The following STIM1 variants were observed in gnomAD, a reference collection of about 807,000 sequenced individuals.
The protein encoded by STIM1 is stromal interaction molecule 1.
A neutral mutation model predicts 74.7 loss-of-function variants in STIM1; 25 were observed. The observed-to-expected ratio is 0.33, with a 90% CI of 0.24 to 0.47. The LOEUF is 0.47. STIM1 is among the 20% of genes least tolerant of loss of function. STIM1 has a pLI of 1.00. For synonymous variants in STIM1, 328 were observed against 348.8 expected, an observed-to-expected ratio of 0.94 and a Z score of 0.66; for missense variants, 728 against 920.8, an observed-to-expected ratio of 0.79 and a Z score of 2.71.
At chr11:4,062,872 G>A (rs1469702753) in intron 5 of STIM1, among the ~76,000 whole-genome samples, 1 of 116,582 alleles carries the variant, frequency 8.6e-6, no homozygotes, top group Non-Finnish European at 2.0e-5. Context: ...GTGTCTGTCA[G>A]TTGATGAATG....
chr11:3,895,414 A>C (rs2092031885), intron 1 of STIM1, among the ~76,000 whole-genome samples: 1 of 152,176 alleles, frequency 6.6e-6, no homozygotes, highest in Non-Finnish European at 1.5e-5. Context: ...TAAAAGCCGG[A>C]TAGGTGGAAT....
Position 4,091,426 on chromosome 11 carries a change from G to C in STIM1, c.1779G>C (p.Gly593=), listed in dbSNP as rs1161943430. ...ATGGCAGCCACCGGCTGATCGAGGG[G>C]GTCCACCCAGGGTCTCTGGTGGAGA... ...TSNGSHRLIE[G]VHPGSLVEKL... The change falls in exon 13 of 13, where the codon GGG becomes GGC. Residue 593 remains glycine (G), a synonymous_variant. Transcript: ENST00000526596. The C allele has an allele frequency of 1.2e-6, 2 of 1,614,062 alleles. No individual in the cohort carries two copies. Among genetic ancestry groups the C allele is most frequent in the Non-Finnish European group, 1.7e-6 (2 of 1,180,046 alleles).
chr11:4,074,497 C>A lies in STIM1; in HGVS notation c.792-5C>A. ...CTCCTCCAGCTCCCTGCATTGCCCC[C>A]CCAGGCTGCACAAGGCCCAGGAGGA... On this transcript the variant is annotated splice_polypyrimidine_tract_variant and splice_region_variant and intron_variant, in intron 6 of 12. Coordinates refer to ENST00000526596, the MANE Select transcript of STIM1 (RefSeq NM_001382567.1). 6.2e-7 allele frequency: 1 copy of A among 1,613,372 alleles called. No homozygotes were observed. Among genetic ancestry groups the A allele is most frequent in the Non-Finnish European group, 8.5e-7 (1 of 1,179,948 alleles).
chr11:4,038,038 C>CT (rs538655034), intron 3 of STIM1, among the ~76,000 whole-genome samples: 1,957 of 141,108 alleles, frequency 0.014, 13 homozygotes, highest in Non-Finnish European at 0.017. Flanking sequence ...TCATCACAGT[C>CT]TTTTTTTTTT....
At chr11:4,051,313 A>G (rs1296474589) in intron 3 of STIM1, among the ~76,000 whole-genome samples, 1 of 151,926 alleles carries the variant, frequency 6.6e-6, no homozygotes, top group Non-Finnish European at 1.5e-5. Flanking sequence ...CAAAATATAA[A>G]TATAGAATCA....
chr11:4,025,920 T>C (rs1004360930), intron 3 of STIM1, among the ~76,000 whole-genome samples: 7 of 152,204 alleles, frequency 4.6e-5, no homozygotes, highest in Non-Finnish European at 8.8e-5. Context: ...AGTTCACAGC[T>C]GAGAAATGAT....
At chr11:3,994,007 G>T (rs956609597) in intron 2 of STIM1, among the ~76,000 whole-genome samples, 3 of 151,442 alleles carry the variant, frequency 2.0e-5, no homozygotes, top group Admixed American at 1.3e-4. Flanking sequence ...AGTACTATCT[G>T]GGGGGGTCAC....
intron 1 of STIM1, among the ~76,000 whole-genome samples, chr11:3,941,262 G>T (rs2093001363): frequency 6.6e-6 from 1 of 152,160 alleles, no homozygotes; most frequent in Admixed American, 6.5e-5. Flanking sequence ...ACAGTTCGAA[G>T]ACTTCTGCTG....
At chr11:4,070,309 C>A in intron 6 of STIM1, 106 bp downstream of exon 6, 1 of 1,297,764 alleles carries the variant, frequency 7.7e-7, no homozygotes, top group Non-Finnish European at 1.1e-6. Context: ...GTCAGCATGG[C>A]AGCCCAGGCT....
At chr11:3,878,095 C>G (rs887956559) in intron 1 of STIM1, among the ~76,000 whole-genome samples, 1 of 152,150 alleles carries the variant, frequency 6.6e-6, no homozygotes, top group Admixed American at 6.5e-5. Flanking sequence ...CTGGTGCTCT[C>G]TAGGAGTGGA....
intron 1 of STIM1, among the ~76,000 whole-genome samples, chr11:3,959,718 G>C (rs2093264082): frequency 6.6e-6 from 1 of 152,146 alleles, no homozygotes; most frequent in Non-Finnish European, 1.5e-5. Flanking sequence ...GTTTTTTTCT[G>C]CCAATAGCTA....
chr11:4,046,007 T>G (rs930712584), intron 3 of STIM1, among the ~76,000 whole-genome samples: 8 of 149,530 alleles, frequency 5.4e-5, no homozygotes, highest in Non-Finnish European at 1.2e-4. Flanking sequence ...GACCTCAAAG[T>G]GATCCACCCA....
At chr11:4,074,410 C>G (rs747307933) in intron 6 of STIM1, 92 bp from the exon 7 acceptor site, 2 of 1,449,368 alleles carry the variant, frequency 1.4e-6, no homozygotes, top group Non-Finnish European at 1.9e-6. Context: ...AGAGTTGGAG[C>G]TGTCATTTTC....
intron 1 of STIM1, among the ~76,000 whole-genome samples, chr11:3,905,257 C>T (rs1031718393): frequency 1.3e-5 from 2 of 151,336 alleles, no homozygotes; most frequent in African/African-American, 2.4e-5. Context: ...CTTAGGGAGT[C>T]AGTATGAGGC....
chr11:4,015,177 G>A (rs2093883629), intron 2 of STIM1, among the ~76,000 whole-genome samples: 1 of 152,218 alleles, frequency 6.6e-6, no homozygotes, highest in African/African-American at 2.4e-5. Context: ...TATTTTTGCA[G>A]TGGCTGGTAC....
intron 1 of STIM1, among the ~76,000 whole-genome samples, chr11:3,958,659 G>A (rs2093247697): frequency 6.6e-6 from 1 of 152,092 alleles, no homozygotes; most frequent in South Asian, 2.1e-4. Flanking sequence ...TCTCAAACCT[G>A]TTCCTTTTTT....
intron 2 of STIM1, chr11:3,974,038 C>CG (rs1565133260): frequency 5.7e-6 from 4 of 696,454 alleles, no homozygotes; most frequent in Non-Finnish European, 1.0e-5. Flanking sequence ...CTGCATCCAC[C>CG]TCCTCCACAG....
At chr11:4,043,835 T>G (rs2094168332) in intron 3 of STIM1, among the ~76,000 whole-genome samples, 1 of 151,958 alleles carries the variant, frequency 6.6e-6, no homozygotes, top group Admixed American at 6.6e-5. Flanking sequence ...GCCAACATGG[T>G]GAAACCCTGT....
intron 1 of STIM1, among the ~76,000 whole-genome samples, chr11:3,870,644 G>A (rs2091047173): frequency 6.6e-6 from 1 of 151,904 alleles, no homozygotes; most frequent in Admixed American, 6.6e-5. Flanking sequence ...CTACAGGTGT[G>A]TACCACCATG....
Sources: gnomAD v4.1 joint callset for allele counts (sites outside exome capture counted in the v4.1 genomes callset) on GRCh38, gnomAD v4.1.1 for gene constraint, MANE v1.5 for transcripts, NCBI Gene and HGNC (gene_info 2026-07-23, HGNC 2026-07-21) for gene names.